The following ATRNL1 variants were observed in gnomAD, a reference collection of about 807,000 sequenced individuals.
The protein encoded by ATRNL1 is attractin like 1.
In ATRNL1, 95 loss-of-function variants were observed where a neutral mutation model predicts 182.7. That is an observed-to-expected ratio of 0.52 (90% CI 0.44 to 0.62). ATRNL1 has a LOEUF of 0.62. ATRNL1 is among the 20% of genes least tolerant of loss of function. ATRNL1 has a pLI of 0.00. For synonymous variants in ATRNL1, 576 were observed against 568.3 expected (o/e 1.01, Z -0.19); for missense variants, 1,471 against 1,679.5 (o/e 0.88, Z 2.17).
At chr10:115,535,661 T>C (rs556394478) in intron 25 of ATRNL1, among the ~76,000 whole-genome samples, 210 of 152,306 alleles carry the variant, frequency 1.4e-3, no homozygotes, top group African/African-American at 4.6e-3. Flanking sequence ...GGAACTGCGT[T>C]CGTTTGGAGG....
In ATRNL1 at chr10:115,931,064, T is replaced by TA. The variant is rs577635357; in HGVS notation, c.4019-13593dup. Among the ~76,000 whole-genome samples the TA allele has an allele frequency of 5.3e-5, 8 of 152,296 alleles. No individual in the cohort carries two copies. The South Asian group carries it at 1.7e-3, about 32-fold the overall frequency. ...GTCAAATGCTTTAAAAACATAGTCT[T>TA]ACAGCCTTTTACTAAGGGAGCGGGA... On this transcript the variant is annotated intron_variant, in intron 28 of 28. Coordinates refer to ENST00000355044, the MANE Select transcript of ATRNL1 (RefSeq NM_207303.4).
chr10:115,534,532 C>G (rs1480788728), intron 25 of ATRNL1, among the ~76,000 whole-genome samples: 1 of 152,256 alleles, frequency 6.6e-6, no homozygotes, highest in Non-Finnish European at 1.5e-5. Flanking sequence ...GAATACAGCA[C>G]AACTGTATGG....
chr10:115,500,031 A>C (rs1396311590), intron 24 of ATRNL1, among the ~76,000 whole-genome samples: 1 of 152,108 alleles, frequency 6.6e-6, no homozygotes, highest in African/African-American at 2.4e-5. Context: ...CATTTTTTGC[A>C]GGTGTTGAAG....
intron 28 of ATRNL1, among the ~76,000 whole-genome samples, chr10:115,888,741 A>G (rs1262238003): frequency 6.6e-6 from 1 of 152,208 alleles, no homozygotes; most frequent in Non-Finnish European, 1.5e-5. Flanking sequence ...GCTTGGGCTA[A>G]CTGAAGCACT....
chr10:115,816,554 T>G (rs1391177637), intron 27 of ATRNL1, among the ~76,000 whole-genome samples: 1 of 151,866 alleles, frequency 6.6e-6, no homozygotes, highest in Non-Finnish European at 1.5e-5. Flanking sequence ...ATACATATAT[T>G]ACAGAAGGAC....
At chr10:115,526,371 A>G (rs1043392881) in intron 25 of ATRNL1, among the ~76,000 whole-genome samples, 26 of 152,316 alleles carry the variant, frequency 1.7e-4, no homozygotes, top group African/African-American at 5.8e-4. Context: ...TCTTTTATTT[A>G]GCCAGTAAAT....
intron 22 of ATRNL1, among the ~76,000 whole-genome samples, chr10:115,464,607 A>G (rs1847962892): frequency 6.6e-6 from 1 of 151,986 alleles, no homozygotes; most frequent in Non-Finnish European, 1.5e-5. Context: ...TTGATAGAGA[A>G]TGAACTAAAA....
chr10:115,156,751 A>G (rs1846537224), intron 5 of ATRNL1, among the ~76,000 whole-genome samples: 1 of 152,142 alleles, frequency 6.6e-6, no homozygotes, highest in South Asian at 2.1e-4. Context: ...AAATTGTCAT[A>G]CTGATTGAGA....
chr10:115,862,282 G>A (rs1186129931), intron 28 of ATRNL1, among the ~76,000 whole-genome samples: 1 of 152,172 alleles, frequency 6.6e-6, no homozygotes, highest in African/African-American at 2.4e-5. Context: ...CTGCATTACA[G>A]GTTATATTCT....
intron 26 of ATRNL1, among the ~76,000 whole-genome samples, chr10:115,680,769 T>G (rs1322330987): frequency 2.0e-5 from 3 of 152,258 alleles, no homozygotes; most frequent in Non-Finnish European, 2.9e-5. Context: ...AGAGATGTAT[T>G]GAAAGCAATA....
intron 8 of ATRNL1, among the ~76,000 whole-genome samples, chr10:115,178,159 T>C (rs1051832186): frequency 2.0e-5 from 3 of 151,924 alleles, no homozygotes; most frequent in Non-Finnish European, 1.5e-5. Context: ...ATCTGCCTTC[T>C]TCGACCTCCC....
At chr10:115,789,136 C>T (rs1429334286) in intron 27 of ATRNL1, among the ~76,000 whole-genome samples, 1 of 152,196 alleles carries the variant, frequency 6.6e-6, no homozygotes, top group Non-Finnish European at 1.5e-5. Flanking sequence ...TTGCAGAAAG[C>T]TTCCTGTGGT....
In ATRNL1 at chr10:115,467,210, A is replaced by G. The variant is rs199578378; in HGVS notation, c.3454A>G (p.Asn1152Asp). ...TCTGGATATATCAATTAATGCATCA[A>G]ACAACTTTAATCTCAACATTACGTG... Reference protein sequence around the residue: ...KNLDISINASNNFNLNITWSV... With the variant: ...KNLDISINASDNFNLNITWSV... The change falls in exon 23 of 29, where the codon AAC (asparagine) becomes GAC (aspartate). Residue 1152 changes from asparagine to aspartate, a missense_variant. Coordinates refer to ENST00000355044, the MANE Select transcript of ATRNL1 (RefSeq NM_207303.4). 1.5e-5 allele frequency: 24 copies of G among 1,605,242 alleles called. No individual in the cohort carries two copies. Among genetic ancestry groups the G allele is most frequent in the African/African-American group, 9.4e-5 (7 of 74,516 alleles).
chr10:115,753,979 G>A (rs1261233895), intron 27 of ATRNL1, among the ~76,000 whole-genome samples: 2 of 152,108 alleles, frequency 1.3e-5, no homozygotes, highest in Non-Finnish European at 2.9e-5. Flanking sequence ...GTCTTCTTTT[G>A]AGAAGTGTCT....
intron 21 of ATRNL1, among the ~76,000 whole-genome samples, chr10:115,445,430 C>CAAAAAAA (rs34068379): frequency 3.8e-5 from 1 of 26,118 alleles, no homozygotes; most frequent in Non-Finnish European, 5.9e-5. Context: ...GATTTCGCCT[C>CAAAAAAA]AAAAAAAAAA....
chr10:115,167,121 GT>G (rs1327008760), intron 7 of ATRNL1, among the ~76,000 whole-genome samples: 2 of 151,854 alleles, frequency 1.3e-5, no homozygotes, highest in African/African-American at 4.8e-5. Flanking sequence ...TGGATAGCCA[GT>G]TTCCCCAACA....
chr10:115,327,309 T>C (rs1380876103), intron 18 of ATRNL1, among the ~76,000 whole-genome samples: 1 of 150,420 alleles, frequency 6.6e-6, no homozygotes, highest in Non-Finnish European at 1.5e-5. Flanking sequence ...AGAAGACATT[T>C]ATGCAGCCAA....
intron 28 of ATRNL1, among the ~76,000 whole-genome samples, chr10:115,939,761 G>A (rs782324943): frequency 1.1e-4 from 17 of 152,048 alleles, no homozygotes; most frequent in South Asian, 2.1e-4. Context: ...CTCTAGCGGC[G>A]TGCAGCATGG....
intron 26 of ATRNL1, among the ~76,000 whole-genome samples, chr10:115,565,040 C>T (rs1555001248): frequency 6.6e-6 from 1 of 151,910 alleles, no homozygotes; most frequent in African/African-American, 2.4e-5. Flanking sequence ...TTTATTTCTA[C>T]AGTGGAGCAT....
Sources: gnomAD v4.1 joint callset for allele counts (sites outside exome capture counted in the v4.1 genomes callset) on GRCh38, gnomAD v4.1.1 for gene constraint, MANE v1.5 for transcripts, NCBI Gene and HGNC (gene_info 2026-07-23, HGNC 2026-07-21) for gene names.